TNFSF4: variants seen among roughly 807,000 people sequenced by gnomAD.
TNFSF4 encodes the protein tumor necrosis factor ligand superfamily member 4.
Under a neutral mutation model 7.3 loss-of-function variants are expected in TNFSF4, and 4 were observed. The ratio of observed to expected loss-of-function variants is 0.55; its 90% CI spans 0.27 to 1.25. The LOEUF (loss-of-function observed/expected upper bound fraction) is 1.25, where lower values mean the gene tolerates loss of function less well. TNFSF4 is among the 50% of genes most tolerant of loss of function. TNFSF4 has a pLI of 0.12. For missense variants in TNFSF4, 181 were observed against 208.8 expected (o/e 0.87, Z 0.82); for synonymous variants, 76 against 83.7 (o/e 0.91, Z 0.50).
At chr1:173,178,434 C>T in the TNFSF4 span, among the ~76,000 whole-genome samples, 1 of 152,016 alleles carries the variant, frequency 6.6e-6, no homozygotes, top group Non-Finnish European at 1.5e-5. Flanking sequence ...ATTAGCCAGG[C>T]GTGGTAGCTG....
chr1:173,355,700 G>C, the TNFSF4 span, among the ~76,000 whole-genome samples: 1 of 152,224 alleles, frequency 6.6e-6, no homozygotes, highest in Non-Finnish European at 1.5e-5. Flanking sequence ...GAAGAAGCCA[G>C]AAATAAAACC....
the TNFSF4 span, among the ~76,000 whole-genome samples, chr1:173,234,688 G>A: frequency 8.4e-4 from 128 of 152,200 alleles, no homozygotes; most frequent in East Asian, 5.8e-3. Context: ...GGAAACTATC[G>A]CAAGGACAGA....
downstream of TNFSF4, among the ~76,000 whole-genome samples, chr1:173,182,443 G>A (rs963867613): frequency 6.6e-6 from 1 of 152,234 alleles, no homozygotes; most frequent in Admixed American, 6.5e-5. Flanking sequence ...GTGTGGTCTT[G>A]GGTGTTAACT....
At chr1:173,419,025 C>T in the TNFSF4 span, among the ~76,000 whole-genome samples, 1 of 152,198 alleles carries the variant, frequency 6.6e-6, no homozygotes, top group Non-Finnish European at 1.5e-5. Flanking sequence ...CACGGTGGGG[C>T]TGGTGGCTTT....
chr1:173,397,704 A>T, the TNFSF4 span, among the ~76,000 whole-genome samples: 1 of 152,192 alleles, frequency 6.6e-6, no homozygotes, highest in Non-Finnish European at 1.5e-5. Context: ...TCCTGGTGGG[A>T]AAGATCAAAT....
chr1:173,355,117 C>A, the TNFSF4 span, among the ~76,000 whole-genome samples: 1 of 152,166 alleles, frequency 6.6e-6, no homozygotes, highest in South Asian at 2.1e-4. Context: ...TGCTCTCCCA[C>A]CAGCAATGGC....
At chr1:173,391,310 G>C in the TNFSF4 span, among the ~76,000 whole-genome samples, 16 of 132,382 alleles carry the variant, frequency 1.2e-4, 1 homozygote, top group East Asian at 1.5e-3. Flanking sequence ...CTTTCTTTCT[G>C]TCTCTCTCTC....
At chr1:173,437,066 A>G in the TNFSF4 span, among the ~76,000 whole-genome samples, 1 of 152,268 alleles carries the variant, frequency 6.6e-6, no homozygotes, top group East Asian at 1.9e-4. Flanking sequence ...GGTGAGCATC[A>G]CTGGTTGGCA....
the TNFSF4 span, chr1:173,363,236 CT>C: frequency 3.4e-6 from 1 of 291,194 alleles, no homozygotes; most frequent in Non-Finnish European, 6.9e-6. Context: ...CATTCTCTTT[CT>C]AGGGAAACCT....
the TNFSF4 span, among the ~76,000 whole-genome samples, chr1:173,410,665 G>A: frequency 6.6e-6 from 1 of 152,214 alleles, no homozygotes; most frequent in Non-Finnish European, 1.5e-5. Context: ...GTGAGCCCAC[G>A]TGGTGGAGAT....
the TNFSF4 span, among the ~76,000 whole-genome samples, chr1:173,381,593 C>G: frequency 2.0e-5 from 3 of 152,306 alleles, no homozygotes; most frequent in East Asian, 5.8e-4. Context: ...ACCAAGGACC[C>G]CTGAACCAAC....
chr1:173,447,290 G>A, the TNFSF4 span, among the ~76,000 whole-genome samples: 1 of 152,170 alleles, frequency 6.6e-6, no homozygotes, highest in South Asian at 2.1e-4. Flanking sequence ...AAACTATTCT[G>A]TATGATACTA....
the TNFSF4 span, among the ~76,000 whole-genome samples, chr1:173,376,805 A>G: frequency 4.6e-5 from 7 of 152,286 alleles, no homozygotes; most frequent in South Asian, 1.4e-3. Flanking sequence ...GCTCTTCAAA[A>G]TAAATCTTGC....
At chr1:173,392,685 T>C in the TNFSF4 span, among the ~76,000 whole-genome samples, 1 of 152,218 alleles carries the variant, frequency 6.6e-6, no homozygotes, top group African/African-American at 2.4e-5. Context: ...TGTCAGACTT[T>C]CTTCAGATTA....
the TNFSF4 span, among the ~76,000 whole-genome samples, chr1:173,441,070 A>C: frequency 6.6e-6 from 1 of 152,320 alleles, no homozygotes; most frequent in Middle Eastern, 3.4e-3. Context: ...GTGCAGTCAG[A>C]GCAGGGGTAA....
the TNFSF4 span, among the ~76,000 whole-genome samples, chr1:173,395,169 C>T: frequency 7.1e-3 from 1,072 of 151,268 alleles, 12 homozygotes; most frequent in African/African-American, 0.025. Context: ...CAAAATGCTA[C>T]AGATGAATTT....
chr1:173,409,945 T>G, the TNFSF4 span, among the ~76,000 whole-genome samples: 354 of 152,280 alleles, frequency 2.3e-3, 5 homozygotes, highest in African/African-American at 8.0e-3. Context: ...TGTATACATA[T>G]TATACTTCAA....
the TNFSF4 span, among the ~76,000 whole-genome samples, chr1:173,395,045 A>AGATAGAT: frequency 3.7e-5 from 4 of 109,326 alleles, no homozygotes; most frequent in Non-Finnish European, 7.0e-5. Context: ...GATGATAGAT[A>AGATAGAT]GATAGATAGA....
At chr1:173,332,904 A>C in the TNFSF4 span, among the ~76,000 whole-genome samples, 1 of 152,236 alleles carries the variant, frequency 6.6e-6, no homozygotes. Flanking sequence ...CTTTCCATTG[A>C]GGAGGATATA....
Sources: allele counts gnomAD v4.1 joint callset (sites outside exome capture counted in the v4.1 genomes callset), GRCh38; gene constraint gnomAD v4.1.1; transcripts MANE v1.5; gene names NCBI Gene and HGNC (gene_info 2026-07-23, HGNC 2026-07-21).